The following VPS13B variants were observed in gnomAD, a reference collection of about 807,000 sequenced individuals.
VPS13B encodes the protein vacuolar protein sorting 13 homolog B.
In VPS13B, 285 loss-of-function variants were observed where a neutral mutation model predicts 426.4. That is an observed-to-expected ratio of 0.67 (90% CI 0.61 to 0.74). The LOEUF (loss-of-function observed/expected upper bound fraction) is 0.74, where lower values mean the gene tolerates loss of function less well. VPS13B is among the 30% of genes least tolerant of loss of function. The pLI is 0.00. For synonymous variants in VPS13B, 1,676 were observed against 1,676.4 expected, an observed-to-expected ratio of 1.00 and a Z score of 0.01; for missense variants, 4,537 against 4,782.6, an observed-to-expected ratio of 0.95 and a Z score of 1.51.
intron 23 of VPS13B, among the ~76,000 whole-genome samples, chr8:99,462,410 C>T (rs1818891217): frequency 6.6e-6 from 1 of 151,918 alleles, no homozygotes; most frequent in South Asian, 2.1e-4. Flanking sequence ...TTCTGGATAA[C>T]CACTCTCTTT....
At chr8:99,185,768 TAAGA>T (rs1813189129) in intron 16 of VPS13B, among the ~76,000 whole-genome samples, 1 of 152,186 alleles carries the variant, frequency 6.6e-6, no homozygotes, top group Non-Finnish European at 1.5e-5. Flanking sequence ...CATCGAGTAG[TAAGA>T]ACCACACTTC....
At position 99,115,786 on chromosome 8, in the gene VPS13B, T is replaced by C. The variant is rs1563549019; in HGVS notation, c.849T>C (p.Ala283=). 1 of 1,613,768 alleles carries C rather than the reference T, an allele frequency of 6.2e-7. No individual in the cohort carries two copies. The highest frequency in any genetic ancestry group is 8.5e-7 in the Non-Finnish European group (1 of 1,179,836). Residue 283 remains alanine (A), a synonymous_variant, in exon 7 of 62, where the codon GCT becomes GCC. Coordinates refer to ENST00000357162, the MANE Select transcript of VPS13B (RefSeq NM_152564.5). ...MFIRIMQLGI[A]LYYGEIGNFK... ...TTCGTATAATGCAACTTGGAATTGC[T>C]CTTTACTATGGAGAAATAGGCAATT...
At chr8:99,144,371 T>C (rs531689142) in intron 13 of VPS13B, among the ~76,000 whole-genome samples, 47 of 151,154 alleles carry the variant, frequency 3.1e-4, no homozygotes, top group African/African-American at 1.1e-3. Flanking sequence ...TGGTGGTACA[T>C]GGCTGTGGTC....
At chr8:99,128,213 C>T (rs1563556551) in intron 8 of VPS13B, among the ~76,000 whole-genome samples, 1 of 150,780 alleles carries the variant, frequency 6.6e-6, no homozygotes, top group Non-Finnish European at 1.5e-5. Context: ...ACATGGAAAC[C>T]CCGTCTTTAC....
chr8:99,710,729 C>T (rs561882187), intron 36 of VPS13B, among the ~76,000 whole-genome samples: 7 of 151,832 alleles, frequency 4.6e-5, no homozygotes, highest in East Asian at 1.9e-4. Context: ...TACTGGCTCA[C>T]GCCTGTGATC....
intron 19 of VPS13B, among the ~76,000 whole-genome samples, chr8:99,381,878 T>C (rs1049631052): frequency 5.3e-5 from 8 of 152,180 alleles, no homozygotes; most frequent in Non-Finnish European, 8.8e-5. Context: ...ATTCCCATTA[T>C]GGCATTGTCA....
chr8:99,228,263 G>T (rs1816123616), intron 17 of VPS13B, among the ~76,000 whole-genome samples: 1 of 152,030 alleles, frequency 6.6e-6, no homozygotes, highest in Non-Finnish European at 1.5e-5. Context: ...TTTATTTTGT[G>T]CTTATGTGCT....
Position 99,875,556 on chromosome 8 carries a change from C to CCCT in VPS13B, c.11887_11889dup (p.Ser3963dup). The CCCT allele has an allele frequency of 1.2e-6, 2 of 1,614,154 alleles. No homozygotes were observed. The highest frequency in any genetic ancestry group is 1.7e-6 in the Non-Finnish European group (2 of 1,180,024). ...CCCTGTGGTGGCTGCAGAACCTCCC[C>CCCT]CCTCCACTGTTAAAACATACCATTA... On this transcript the variant is annotated inframe_insertion, in exon 62 of 62. Coordinates refer to ENST00000357162, the MANE Select transcript of VPS13B (RefSeq NM_152564.5).
intron 17 of VPS13B, among the ~76,000 whole-genome samples, chr8:99,258,272 G>C (rs1211932068): frequency 6.8e-6 from 1 of 147,456 alleles, no homozygotes; most frequent in African/African-American, 2.5e-5. Context: ...CAGGCATTTT[G>C]TTTTTTTTCT....
intron 6 of VPS13B, among the ~76,000 whole-genome samples, chr8:99,115,481 T>G (rs1051754690): frequency 6.6e-6 from 1 of 152,178 alleles, no homozygotes; most frequent in Non-Finnish European, 1.5e-5. Context: ...GTACATCATT[T>G]GGTTTAATAT....
intron 49 of VPS13B, 134 bp from the exon 50 acceptor site, chr8:99,821,157 CACA>C: frequency 1.5e-6 from 1 of 655,080 alleles, no homozygotes; most frequent in Non-Finnish European, 2.6e-6. Flanking sequence ...CACACACACA[CACA>C]CACACACCAT....
chr8:99,646,348 C>CTACAAAAAAT (rs1413882553), intron 34 of VPS13B, among the ~76,000 whole-genome samples: 1 of 152,048 alleles, frequency 6.6e-6, no homozygotes, highest in East Asian at 1.9e-4. Context: ...GACCCCATCT[C>CTACAAAAAAT]TACAAAAAAT....
At chr8:99,258,201 TTGTACTTAGTTTCA>T (rs1817854747) in intron 17 of VPS13B, among the ~76,000 whole-genome samples, 1 of 151,032 alleles carries the variant, frequency 6.6e-6, no homozygotes. Context: ...TTGCATCACT[TTGTACTTAGTTTCA>T]TGTATTTTCT....
At chr8:99,460,915 A>T (rs750497261) in intron 23 of VPS13B, among the ~76,000 whole-genome samples, 1 of 152,218 alleles carries the variant, frequency 6.6e-6, no homozygotes, top group African/African-American at 2.4e-5. Flanking sequence ...TTCATGCAAG[A>T]ACATCACAGA....
At chr8:99,736,399 C>T (rs2130439827) in intron 39 of VPS13B, among the ~76,000 whole-genome samples, 1 of 152,126 alleles carries the variant, frequency 6.6e-6, no homozygotes, top group South Asian at 2.1e-4. Flanking sequence ...ATGGTGAAAC[C>T]CCGTCTCTAC....
chr8:99,589,604 G>A (rs769816454), intron 33 of VPS13B, among the ~76,000 whole-genome samples: 1 of 151,496 alleles, frequency 6.6e-6, no homozygotes, highest in African/African-American at 2.4e-5. Flanking sequence ...CCAGTCTATC[G>A]TTTTTGGACA....
chr8:99,297,620 T>C (rs1018588174), intron 19 of VPS13B, among the ~76,000 whole-genome samples: 1 of 152,176 alleles, frequency 6.6e-6, no homozygotes, highest in Non-Finnish European at 1.5e-5. Flanking sequence ...AAAATTCCCA[T>C]GGAAAGAAAA....
chr8:99,038,845 C>T (rs991423420), intron 3 of VPS13B, among the ~76,000 whole-genome samples: 1 of 151,678 alleles, frequency 6.6e-6, no homozygotes, highest in African/African-American at 2.4e-5. Context: ...CGCCACCACG[C>T]CCAGCTAATT....
rs1220485932 is a variant in VPS13B, at chr8:99,543,621, A to T, written c.4746-12829A>T. Among the ~76,000 whole-genome samples, 13 of 151,594 alleles carry T rather than the reference A, an allele frequency of 8.6e-5. No homozygotes were observed. In the South Asian group the frequency reaches 2.7e-3, roughly 32 times the overall value. On this transcript the variant is annotated intron_variant, in intron 30 of 61. Coordinates refer to ENST00000357162, the MANE Select transcript of VPS13B (RefSeq NM_152564.5). Reference sequence around the variant, plus strand: ...GAACTCAAACAAATTTACAAGAAAAAAACAAACAACCCCATCAAAAAGTGG... The same window carrying T: ...GAACTCAAACAAATTTACAAGAAAATAACAAACAACCCCATCAAAAAGTGG...
Sources: gnomAD v4.1 joint callset for allele counts (sites outside exome capture counted in the v4.1 genomes callset) on GRCh38, gnomAD v4.1.1 for gene constraint, MANE v1.5 for transcripts, NCBI Gene and HGNC (gene_info 2026-07-23, HGNC 2026-07-21) for gene names.